Variants in XPO1 observed in about 807,000 individuals in gnomAD.
The protein encoded by XPO1 is exportin-1.
In XPO1, 5 loss-of-function variants were observed where a neutral mutation model predicts 133.3. The ratio of observed to expected loss-of-function variants is 0.04; its 90% CI spans 0.02 to 0.08. The LOEUF is 0.08. Among genes scored for constraint, XPO1 ranks in the 10% least tolerant of loss-of-function variants. The pLI is 1.00. For synonymous variants in XPO1, 419 were observed against 408.2 expected (o/e 1.03, Z -0.32); for missense variants, 506 against 1,267.5 (o/e 0.40, Z 9.12).
rs928399951 is a variant in XPO1, at chr2:61,498,989, A to T, written c.591-76T>A. 2.9e-5 allele frequency: 42 copies of T among 1,447,476 alleles called. No individual in the cohort carries two copies. The African/African-American group carries it at 4.9e-4, about 17-fold the overall frequency. 89.7% of individuals were successfully genotyped at this position (1,447,476 alleles called of 1,614,324 possible). On this transcript the variant is annotated intron_variant, in intron 7 of 24. Transcript: ENST00000401558. ...GTATCAGTTATCTATAATACTAATA[A>T]AAATGATTAAAGCCCAGTACAGTGG...
intron 3 of XPO1, among the ~76,000 whole-genome samples, chr2:61,524,740 G>A (rs1364446391): frequency 6.6e-6 from 1 of 152,208 alleles, no homozygotes; most frequent in African/African-American, 2.4e-5. Context: ...AACACAGGGA[G>A]ACCCCACTTC....
intron 2 of XPO1, among the ~76,000 whole-genome samples, chr2:61,531,499 C>T (rs1699153363): frequency 1.3e-5 from 2 of 152,076 alleles, no homozygotes; most frequent in African/African-American, 4.8e-5. Flanking sequence ...CAAAAATTGC[C>T]ACTAATTCTG....
chr2:61,531,542 G>A (rs182880894), intron 2 of XPO1, among the ~76,000 whole-genome samples: 4 of 152,134 alleles, frequency 2.6e-5, no homozygotes, highest in African/African-American at 9.7e-5. Flanking sequence ...CTCTATGTTG[G>A]TTTATTTATC....
chr2:61,487,126 C>T (rs1573113975), intron 19 of XPO1, among the ~76,000 whole-genome samples: 3 of 151,898 alleles, frequency 2.0e-5, no homozygotes, highest in East Asian at 1.9e-4. Context: ...GTGATCCACC[C>T]GCCTCGGCCT....
At chr2:61,501,933 C>T (rs997091767) in intron 6 of XPO1, 63 bp downstream of exon 6, 9 of 1,389,706 alleles carry the variant, frequency 6.5e-6, no homozygotes, top group Non-Finnish European at 7.9e-6. Flanking sequence ...CTAAGTAGGT[C>T]GAACATTTTG....
chr2:61,514,813 G>A (rs574039687), intron 4 of XPO1, among the ~76,000 whole-genome samples: 7 of 151,926 alleles, frequency 4.6e-5, no homozygotes, highest in South Asian at 2.1e-4. Flanking sequence ...AGTGGCTTAT[G>A]AGTATAATCT....
intron 4 of XPO1, among the ~76,000 whole-genome samples, chr2:61,520,305 G>C (rs1698627126): frequency 6.6e-6 from 1 of 152,138 alleles, no homozygotes; most frequent in Non-Finnish European, 1.5e-5. Flanking sequence ...AGTGTATTTT[G>C]TGAAATAAAT....
At position 61,478,642 on chromosome 2, in the gene XPO1, C is replaced by T. The variant is rs996928790; in HGVS notation, c.*178G>A. On this transcript the variant is annotated 3_prime_UTR_variant, in exon 25 of 25. Transcript: ENST00000401558. ...TAAATAAAGATGACCAAAACAAAAG[C>T]TTAAACAATGGAAGGATATTTCACA... 10 of 636,016 alleles carry T rather than the reference C, an allele frequency of 1.6e-5. No individual in the cohort carries two copies. The highest frequency in any genetic ancestry group is 2.5e-5 in the Non-Finnish European group (10 of 398,606). The allele number at this position is 636,016 out of a possible 1,614,324, so 39.4% of individuals were successfully genotyped here. A position where few individuals can be genotyped will look rare whatever the true frequency, so the allele number is the denominator to read the frequency against.
intron 3 of XPO1, among the ~76,000 whole-genome samples, chr2:61,523,368 A>T (rs1419158272): frequency 6.6e-6 from 1 of 152,254 alleles, no homozygotes; most frequent in Admixed American, 6.5e-5. Context: ...GAAAGTTATA[A>T]CTAAAAGTAT....
Position 61,488,291 on chromosome 2 carries a change from G to C in XPO1, c.2207-20C>G. The C allele has an allele frequency of 1.9e-6, 3 of 1,604,422 alleles. No homozygotes were observed. The highest frequency in any genetic ancestry group is 2.6e-6 in the Non-Finnish European group (3 of 1,171,860). ...TTTCACCTACAAAACAGAATCAAAT[G>C]GAATCTAATTTTACCACTAAACTTA... On this transcript the variant is annotated intron_variant, in intron 18 of 24. Transcript: ENST00000401558.
chr2:61,515,360 T>G (rs1227313681), intron 4 of XPO1, among the ~76,000 whole-genome samples: 3 of 152,216 alleles, frequency 2.0e-5, no homozygotes, highest in Admixed American at 6.5e-5. Flanking sequence ...GAAGTGACCC[T>G]ATTAGTTCCG....
chr2:61,497,020 G>A lies in XPO1; in HGVS notation c.760-13C>T, dbSNP rs1380321500. On this transcript the variant is annotated splice_polypyrimidine_tract_variant and intron_variant, in intron 9 of 24. Transcript: ENST00000401558. Reference sequence around the variant, plus strand: ...GAACATTCAGGAACTATTTAAAAGGGGGGAGGGAACCATAAAATTAATTGG... The same window carrying A: ...GAACATTCAGGAACTATTTAAAAGGAGGGAGGGAACCATAAAATTAATTGG... 3.1e-6 allele frequency: 5 copies of A among 1,597,702 alleles called. No individual in the cohort carries two copies. Among genetic ancestry groups the A allele is most frequent in the Middle Eastern group, 1.7e-4 (1 of 5,988 alleles).
chr2:61,494,136 C>G (rs1239573261), intron 11 of XPO1, 45 bp from the exon 12 acceptor site: 1 of 1,547,998 alleles, frequency 6.5e-7, no homozygotes, highest in East Asian at 2.2e-5. Flanking sequence ...TAAACATTAC[C>G]AACTTCAAAT....
At chr2:61,491,117 C>T (rs905975398) in intron 16 of XPO1, among the ~76,000 whole-genome samples, 1 of 151,872 alleles carries the variant, frequency 6.6e-6, no homozygotes, top group South Asian at 2.1e-4. Context: ...ATACTGCACT[C>T]GAGCCTGGGT....
intron 4 of XPO1, among the ~76,000 whole-genome samples, chr2:61,506,995 C>T (rs866558086): frequency 1.2e-4 from 18 of 151,210 alleles, no homozygotes; most frequent in African/African-American, 4.4e-4. Context: ...TTTGGGAGGC[C>T]GAGACGGGCA....
chr2:61,517,469 T>C (rs1361055707), intron 4 of XPO1, among the ~76,000 whole-genome samples: 3 of 152,160 alleles, frequency 2.0e-5, no homozygotes, highest in Non-Finnish European at 4.4e-5. Context: ...CCTGTAGTCC[T>C]AGCTATTTTG....
At chr2:61,505,817 C>G (rs1048101716) in intron 4 of XPO1, among the ~76,000 whole-genome samples, 7 of 152,108 alleles carry the variant, frequency 4.6e-5, no homozygotes, top group Non-Finnish European at 1.0e-4. Context: ...CTCGGCCTCC[C>G]GAAGTGCTGG....
At chr2:61,529,679 A>G (rs1699068894) in intron 2 of XPO1, among the ~76,000 whole-genome samples, 1 of 151,988 alleles carries the variant, frequency 6.6e-6, no homozygotes, top group African/African-American at 2.4e-5. Context: ...AAAAAAAAAA[A>G]AAGAAAGAAA....
intron 10 of XPO1, among the ~76,000 whole-genome samples, chr2:61,495,817 G>A (rs1184974662): frequency 6.6e-6 from 1 of 152,000 alleles, no homozygotes; most frequent in Non-Finnish European, 1.5e-5. Flanking sequence ...CCACAGGTAT[G>A]TGCCATCGCA....
Sources: gnomAD v4.1 joint callset for allele counts (sites outside exome capture counted in the v4.1 genomes callset) on GRCh38, gnomAD v4.1.1 for gene constraint, MANE v1.5 for transcripts, NCBI Gene and HGNC (gene_info 2026-07-23, HGNC 2026-07-21) for gene names.